Variants in MACROD2 observed in about 807,000 individuals in gnomAD.
MACROD2 encodes the protein mono-ADP ribosylhydrolase 2, also known as ADP-ribose glycohydrolase MACROD2.
Under a neutral mutation model 70.4 loss-of-function variants are expected in MACROD2, and 36 were observed. The observed-to-expected ratio is 0.51, with a 90% confidence interval of 0.39 to 0.68. The LOEUF is 0.68. MACROD2 is among the 30% of genes least tolerant of loss of function. The probability of loss-of-function intolerance (pLI) is 0.00; values close to 1 mark genes in which losing one functional copy is unlikely to be tolerated. For synonymous variants in MACROD2, 172 were observed against 178.8 expected (o/e 0.96, Z 0.30); for missense variants, 496 against 538.4 (o/e 0.92, Z 0.78).
chr20:16,026,839 C>A (rs2067087586), intron 15 of MACROD2, among the ~76,000 whole-genome samples: 1 of 152,154 alleles, frequency 6.6e-6, no homozygotes, highest in African/African-American at 2.4e-5. Flanking sequence ...AAGGTAACAT[C>A]AACATCTCAC....
At chr20:15,786,952 TTTTTG>T (rs200138097) in intron 8 of MACROD2, among the ~76,000 whole-genome samples, 3 of 151,896 alleles carry the variant, frequency 2.0e-5, no homozygotes, top group African/African-American at 7.2e-5. Context: ...ATAAAGAAAA[TTTTTG>T]TTTTGTTTTG....
At chr20:15,001,304 G>C (rs2074993425) in intron 5 of MACROD2, among the ~76,000 whole-genome samples, 1 of 152,094 alleles carries the variant, frequency 6.6e-6, no homozygotes, top group Admixed American at 6.6e-5. Flanking sequence ...ATTACGCAGG[G>C]ACTGAGTATA....
chr20:15,234,975 A>G (rs1459017510), intron 6 of MACROD2, among the ~76,000 whole-genome samples: 3 of 152,188 alleles, frequency 2.0e-5, no homozygotes, highest in Non-Finnish European at 4.4e-5. Context: ...TTCTTTTAAC[A>G]TCATGTTCAT....
intron 8 of MACROD2, among the ~76,000 whole-genome samples, chr20:15,510,777 G>T (rs1027600021): frequency 6.6e-6 from 1 of 152,194 alleles, no homozygotes; most frequent in East Asian, 1.9e-4. Flanking sequence ...GCCATGCACC[G>T]CTGGAGGCTG....
At chr20:14,536,656 T>TGTGTGTGTGA (rs778906508) in intron 4 of MACROD2, among the ~76,000 whole-genome samples, 30 of 147,356 alleles carry the variant, frequency 2.0e-4, no homozygotes, top group South Asian at 6.3e-4. Flanking sequence ...TGTGTGTGTG[T>TGTGTGTGTGA]GTGTGTGCAT....
At chr20:15,522,013 A>C (rs1263995480) in intron 8 of MACROD2, among the ~76,000 whole-genome samples, 3 of 152,230 alleles carry the variant, frequency 2.0e-5, no homozygotes, top group Middle Eastern at 3.2e-3. Flanking sequence ...TTTGGACTTA[A>C]GTTGCTGAAG....
At chr20:14,290,332 A>T (rs2122443371) in intron 3 of MACROD2, among the ~76,000 whole-genome samples, 1 of 152,266 alleles carries the variant, frequency 6.6e-6, no homozygotes, top group African/African-American at 2.4e-5. Flanking sequence ...TAAAGGAGAG[A>T]TGGGACTGAA....
chr20:15,644,269 T>C (rs1197319071), intron 8 of MACROD2, among the ~76,000 whole-genome samples: 1 of 152,146 alleles, frequency 6.6e-6, no homozygotes, highest in Non-Finnish European at 1.5e-5. Context: ...ACCTCCAGCA[T>C]CTAAACCTCC....
intron 5 of MACROD2, among the ~76,000 whole-genome samples, chr20:14,846,629 T>G: frequency 6.6e-6 from 1 of 151,550 alleles, no homozygotes; most frequent in East Asian, 1.9e-4. Flanking sequence ...GCCACTCTCC[T>G]GCCTCAGCCT....
At chr20:15,589,871 A>G (rs1001154031) in intron 8 of MACROD2, among the ~76,000 whole-genome samples, 3 of 152,356 alleles carry the variant, frequency 2.0e-5, no homozygotes, top group Non-Finnish European at 4.4e-5. Context: ...TAATCCCCAC[A>G]TAAATTTTTG....
chr20:15,904,084 A>G (rs937349253), intron 10 of MACROD2, among the ~76,000 whole-genome samples: 1 of 152,212 alleles, frequency 6.6e-6, no homozygotes, highest in Non-Finnish European at 1.5e-5. Context: ...CACTATTCAT[A>G]CAGTCTTCTT....
chr20:14,057,977 G>T (rs143666827), intron 2 of MACROD2, among the ~76,000 whole-genome samples: 1 of 152,154 alleles, frequency 6.6e-6, no homozygotes, highest in East Asian at 1.9e-4. Context: ...GCAAAACTAG[G>T]AATTTAAAAA....
At chr20:14,643,975 C>T (rs543215847) in intron 4 of MACROD2, among the ~76,000 whole-genome samples, 10 of 152,024 alleles carry the variant, frequency 6.6e-5, no homozygotes, top group East Asian at 3.9e-4. Context: ...AATAATAATA[C>T]GTAACTGATA....
At chr20:14,869,525 G>C (rs888124162) in intron 5 of MACROD2, among the ~76,000 whole-genome samples, 2 of 152,176 alleles carry the variant, frequency 1.3e-5, no homozygotes, top group African/African-American at 4.8e-5. Context: ...AAGCCGTGGC[G>C]CTGCCTATTC....
chr20:15,783,553 T>C (rs909482646), intron 8 of MACROD2, among the ~76,000 whole-genome samples: 7 of 152,154 alleles, frequency 4.6e-5, no homozygotes, highest in African/African-American at 7.2e-5. Context: ...TTAAAAGTCA[T>C]GAAAATTCCA....
At chr20:15,206,657 G>C (rs947029107) in intron 5 of MACROD2, among the ~76,000 whole-genome samples, 16 of 149,784 alleles carry the variant, frequency 1.1e-4, no homozygotes, top group African/African-American at 3.7e-4. Flanking sequence ...AATGTAAATG[G>C]AACCATACAC....
chr20:15,871,004 C>T (rs759059239), intron 9 of MACROD2, among the ~76,000 whole-genome samples: 12 of 151,528 alleles, frequency 7.9e-5, no homozygotes, highest in Non-Finnish European at 1.5e-4. Flanking sequence ...GGTGAAACCC[C>T]GTCTCTACTA....
At chr20:14,100,745 T>C (rs2054290507) in intron 3 of MACROD2, among the ~76,000 whole-genome samples, 1 of 133,386 alleles carries the variant, frequency 7.5e-6, no homozygotes, top group African/African-American at 2.8e-5. Context: ...ATAAATATAA[T>C]ATATAATATA....
chr20:14,195,316 C>G (rs79825310), intron 3 of MACROD2, among the ~76,000 whole-genome samples: 2,137 of 152,180 alleles, frequency 0.014, 44 homozygotes, highest in African/African-American at 0.048. Flanking sequence ...TTTTCTCTTT[C>G]ATTTGTGTGG....
Sources: allele counts gnomAD v4.1 joint callset (sites outside exome capture counted in the v4.1 genomes callset), GRCh38; gene constraint gnomAD v4.1.1; transcripts MANE v1.5; gene names NCBI Gene and HGNC (gene_info 2026-07-23, HGNC 2026-07-21).